The following PLPP3 variants were observed in gnomAD, a reference collection of about 807,000 sequenced individuals.
The protein encoded by PLPP3 is phospholipid phosphatase 3.
Under a neutral mutation model 29.6 loss-of-function variants are expected in PLPP3, and 6 were observed. The observed-to-expected ratio is 0.20, with a 90% CI of 0.11 to 0.40. The LOEUF (loss-of-function observed/expected upper bound fraction) is 0.40. PLPP3 is among the 10% of genes least tolerant of loss of function. PLPP3 has a pLI of 1.00. For missense variants in PLPP3, 308 were observed against 407.7 expected, an observed-to-expected ratio of 0.76 and a Z score of 2.11; for synonymous variants, 152 against 159.7, an observed-to-expected ratio of 0.95 and a Z score of 0.36.
chr1:56,557,026 A>AGAAAGAAAGAG lies in PLPP3; in HGVS notation c.140-19915_140-19914insCTCTTTCTTTC, dbSNP rs1646085318. ...AGAAAGAAAGAGAGAGAGAGAGAGA[A>AGAAAGAAAGAG]AGAGAGAGAGAGAGAGAGAGAGAGA... On this transcript the variant is annotated intron_variant, in intron 1 of 5. Coordinates refer to ENST00000371250, the MANE Select transcript of PLPP3 (RefSeq NM_003713.5). 8.4e-4 allele frequency among the ~76,000 whole-genome samples: 8 copies of AGAAAGAAAGAG among 9,530 alleles called. 3 individuals carry two copies. The highest frequency in any genetic ancestry group is 2.0e-3 in the East Asian group (1 of 510). The allele number at this position is 9,530 out of a possible 152,430, so 6.3% of individuals were successfully genotyped here. A position where few individuals can be genotyped will look rare whatever the true frequency, so the allele number is the denominator to read the frequency against.
At chr1:56,535,474 C>T (rs955371266) in intron 2 of PLPP3, among the ~76,000 whole-genome samples, 7 of 152,286 alleles carry the variant, frequency 4.6e-5, no homozygotes, top group East Asian at 1.9e-4. Flanking sequence ...GGAAGCAATG[C>T]TGTTGCTCAT....
chr1:56,513,914 A>G (rs1417129551), intron 4 of PLPP3: 1 of 152,136 alleles, frequency 6.6e-6, no homozygotes, highest in African/African-American at 2.4e-5. Flanking sequence ...TTAGAACACT[A>G]AACTTTTAAA....
In PLPP3 at chr1:56,547,070, A is replaced by T. The variant is rs140043401; in HGVS notation, c.140-9958T>A. 8.7e-3 allele frequency among the ~76,000 whole-genome samples: 1,318 copies of T among 152,330 alleles called. 13 individuals are homozygous for T. Among genetic ancestry groups the T allele is most frequent in the African/African-American group, 0.03 (1,257 of 41,566 alleles). On this transcript the variant is annotated intron_variant, in intron 1 of 5. Coordinates refer to ENST00000371250, the MANE Select transcript of PLPP3 (RefSeq NM_003713.5). ...TACTCAGAATGGAGTTAGGTGCATA[A>T]CAGTAATATCCTGATGAAAGTTTAG...
chr1:56,549,907 C>G (rs1003254093), intron 1 of PLPP3, among the ~76,000 whole-genome samples: 1 of 152,242 alleles, frequency 6.6e-6, no homozygotes, highest in African/African-American at 2.4e-5. Context: ...CCGCTAGACA[C>G]TTTCCTGGTC....
At chr1:56,520,881 A>AG (rs1250410762) in intron 4 of PLPP3, among the ~76,000 whole-genome samples, 2 of 130,724 alleles carry the variant, frequency 1.5e-5, no homozygotes, top group African/African-American at 5.9e-5. Flanking sequence ...ACTGCACTCC[A>AG]GCCTGTGCAA....
intron 1 of PLPP3, among the ~76,000 whole-genome samples, chr1:56,551,625 C>T (rs1189552517): frequency 3.9e-5 from 6 of 152,180 alleles, no homozygotes; most frequent in Admixed American, 3.9e-4. Context: ...TCCTATCATA[C>T]CCCAGGTACT....
chr1:56,549,806 G>A (rs766888199), intron 1 of PLPP3, among the ~76,000 whole-genome samples: 6 of 152,192 alleles, frequency 3.9e-5, no homozygotes, highest in African/African-American at 7.2e-5. Context: ...AAAATTGAAC[G>A]AATGTTTGGC....
intron 1 of PLPP3, among the ~76,000 whole-genome samples, chr1:56,559,500 C>T (rs1569597932): frequency 6.6e-6 from 1 of 151,962 alleles, no homozygotes; most frequent in South Asian, 2.1e-4. Flanking sequence ...GATCCTCCCA[C>T]CTCGGCCTCC....
At chr1:56,576,156 T>C (rs1436583584) in intron 1 of PLPP3, among the ~76,000 whole-genome samples, 1 of 152,202 alleles carries the variant, frequency 6.6e-6, no homozygotes, top group African/African-American at 2.4e-5. Flanking sequence ...ACTACTTGCA[T>C]ATTTCCACTT....
intron 1 of PLPP3, among the ~76,000 whole-genome samples, chr1:56,543,072 AGAGTT>A: frequency 6.6e-6 from 1 of 152,234 alleles, no homozygotes; most frequent in Non-Finnish European, 1.5e-5. Flanking sequence ...CCTACAGTAC[AGAGTT>A]ATGAGTAGGT....
At chr1:56,557,002 GAA>G (rs1421137314) in intron 1 of PLPP3, among the ~76,000 whole-genome samples, 344 of 7,402 alleles carry the variant, frequency 0.046, 17 homozygotes, top group South Asian at 0.076. Flanking sequence ...AAGAAAGAAA[GAA>G]AGAAAGAGAG....
intron 1 of PLPP3, among the ~76,000 whole-genome samples, chr1:56,544,289 C>A (rs1645991396): frequency 6.6e-6 from 1 of 152,172 alleles, no homozygotes; most frequent in Non-Finnish European, 1.5e-5. Flanking sequence ...AACTGACCAG[C>A]AACTCATGGT....
At chr1:56,498,675 C>T (rs1442883581) in intron 5 of PLPP3, among the ~76,000 whole-genome samples, 1 of 151,852 alleles carries the variant, frequency 6.6e-6, no homozygotes, top group Non-Finnish European at 1.5e-5. Context: ...ATTCTGTCAC[C>T]CAGGCTGGAG....
At position 56,524,011 on chromosome 1, in the gene PLPP3, G is replaced by A; in HGVS notation, c.576-131C>T. 1.8e-6 allele frequency: 2 copies of A among 1,100,862 alleles called. No homozygotes were observed. Among genetic ancestry groups the A allele is most frequent in the East Asian group, 2.5e-5 (1 of 39,262 alleles). 68.2% of individuals were successfully genotyped at this position (1,100,862 alleles called of 1,614,324 possible). On this transcript the variant is annotated intron_variant, in intron 3 of 5. Coordinates refer to ENST00000371250, the MANE Select transcript of PLPP3 (RefSeq NM_003713.5). This position sits in a 1 kb window ranked among gnomAD's most constrained non-coding sequence, Gnocchi z 4.3. ...GGCCCTGTTCATTTTTGCATCCTTG[G>A]TAGTGCTTTGGACCCATGCCTGGAA...
intron 5 of PLPP3, among the ~76,000 whole-genome samples, chr1:56,504,572 T>C (rs552668480): frequency 6.6e-6 from 1 of 152,276 alleles, no homozygotes; most frequent in South Asian, 2.1e-4. Flanking sequence ...CTACTATTCA[T>C]TGAGGTCACC....
At position 56,524,195 on chromosome 1, in the gene PLPP3, C is replaced by A; in HGVS notation, c.575+82G>T. 1.3e-6 allele frequency: 2 copies of A among 1,525,976 alleles called. No individual in the cohort carries two copies. Among genetic ancestry groups the A allele is most frequent in the Non-Finnish European group, 1.8e-6 (2 of 1,119,936 alleles). The allele number at this position is 1,525,976 out of a possible 1,614,324, so 94.5% of individuals were successfully genotyped here. ...CTATGCCTTATTCACCCATCTAAACCAGGGCCCAGCTAGTAAGTGCTCACT... is the reference window on the plus strand; with the variant it reads ...CTATGCCTTATTCACCCATCTAAACAAGGGCCCAGCTAGTAAGTGCTCACT... On this transcript the variant is annotated intron_variant, in intron 3 of 5. Transcript: ENST00000371250. This position sits in a 1 kb window ranked among gnomAD's most constrained non-coding sequence, Gnocchi z 4.3.
At chr1:56,505,735 TTGAC>T (rs1206931312) in intron 5 of PLPP3, among the ~76,000 whole-genome samples, 1 of 152,224 alleles carries the variant, frequency 6.6e-6, no homozygotes, top group African/African-American at 2.4e-5. Context: ...CATATGTTAA[TTGAC>T]TGTTTATGTT....
chr1:56,576,373 GGACTGTGGT>G (rs1646235896), intron 1 of PLPP3, among the ~76,000 whole-genome samples: 1 of 152,068 alleles, frequency 6.6e-6, no homozygotes, highest in African/African-American at 2.4e-5. Context: ...ATTTTTTTTA[GGACTGTGGT>G]GTGCGGAATA....
At chr1:56,576,641 T>G (rs950490443) in intron 1 of PLPP3, among the ~76,000 whole-genome samples, 8 of 152,234 alleles carry the variant, frequency 5.3e-5, no homozygotes, top group Admixed American at 6.5e-5. Flanking sequence ...TGTGCCTCTA[T>G]AACAGAATAC....
Sources: gnomAD v4.1 joint callset for allele counts (sites outside exome capture counted in the v4.1 genomes callset) on GRCh38, gnomAD v4.1.1 for gene constraint, Gnocchi (gnomAD v3.1) non-coding constraint, MANE v1.5 for transcripts, NCBI Gene and HGNC (gene_info 2026-07-23, HGNC 2026-07-21) for gene names.